The following RABEPK variants were observed in gnomAD, a reference collection of about 807,000 sequenced individuals.
RABEPK encodes the protein 40 kDa Rab9 effector protein.
In RABEPK, 27 loss-of-function variants were observed where a neutral mutation model predicts 34.1. That is an observed-to-expected ratio of 0.79 (90% CI 0.58 to 1.09). RABEPK has a LOEUF of 1.09. Ranked by LOEUF, RABEPK falls within the 50% of genes least tolerant of loss-of-function variation. RABEPK has a pLI of 0.00. For synonymous variants in RABEPK, 172 were observed against 169.2 expected (o/e 1.02, Z -0.13); for missense variants, 449 against 462.6 (o/e 0.97, Z 0.27).
intron 3 of RABEPK, among the ~76,000 whole-genome samples, chr9:125,207,922 C>G (rs1445045695): frequency 6.6e-6 from 1 of 152,108 alleles, no homozygotes; most frequent in Non-Finnish European, 1.5e-5. Context: ...GGTTAGAGTT[C>G]GAGACCAGCC....
intron 2 of RABEPK, among the ~76,000 whole-genome samples, chr9:125,204,804 C>T (rs1287712251): frequency 1.3e-5 from 2 of 152,052 alleles, no homozygotes; most frequent in Non-Finnish European, 2.9e-5. Flanking sequence ...CACTTTTTGT[C>T]CCTCTCTTTT....
At chr9:125,215,267 TATA>T (rs1207042734) in intron 4 of RABEPK, among the ~76,000 whole-genome samples, 2 of 147,614 alleles carry the variant, frequency 1.4e-5, no homozygotes, top group East Asian at 3.9e-4. Flanking sequence ...GCTTTGTTAA[TATA>T]ATATCATTTG....
At chr9:125,213,584 C>T (rs941699485) in intron 4 of RABEPK, 62 bp downstream of exon 4, 10 of 1,331,082 alleles carry the variant, frequency 7.5e-6, no homozygotes, top group African/African-American at 1.5e-5. Context: ...CACACACACA[C>T]ACATATATAT....
chr9:125,230,717 A>T (rs1344725549), intron 6 of RABEPK, among the ~76,000 whole-genome samples: 2 of 151,162 alleles, frequency 1.3e-5, no homozygotes, highest in African/African-American at 4.9e-5. Context: ...TTGTATTTTT[A>T]GTAGAGACAG....
In RABEPK at chr9:125,207,631, C is replaced by T. The variant is rs1225441155; in HGVS notation, c.121C>T (p.Pro41Ser). The T allele has an allele frequency of 6.2e-7, 1 of 1,614,096 alleles. No individual in the cohort carries two copies. The highest frequency in any genetic ancestry group is 1.7e-5 in the Admixed American group (1 of 60,014). Reference protein sequence around the residue: ...RVGHSCSYLPPVGNAKRGKVF... With the variant: ...RVGHSCSYLPSVGNAKRGKVF... ...TGGCCACAGCTGTTCATATTTACCC[C>T]CAGTTGGTAATGCCAAGAGAGGGAA... Residue 41 changes from proline to serine, a missense_variant, in exon 3 of 8, where the codon CCA becomes TCA. By Grantham distance (74) the Pro-to-Ser change is moderately conservative. Coordinates refer to ENST00000373538, the MANE Select transcript of RABEPK (RefSeq NM_005833.4).
At position 125,207,614 on chromosome 9, in the gene RABEPK, G is replaced by C. The variant is rs777057296; in HGVS notation, c.104G>C (p.Ser35Thr). ...GDSPCARVGH[S>T]CSYLPPVGNA... ...AGCCCCTGTGCTCGAGTTGGCCACAGCTGTTCATATTTACCCCCAGTTGGT... is the reference window on the plus strand; with the variant it reads ...AGCCCCTGTGCTCGAGTTGGCCACACCTGTTCATATTTACCCCCAGTTGGT... Residue 35 changes from serine (S) to threonine (T), a missense_variant, in exon 3 of 8, where the codon AGC (serine) becomes ACC (threonine). By Grantham distance (58) the Ser-to-Thr change is moderately conservative. Transcript: ENST00000373538. 6.2e-7 allele frequency: 1 copy of C among 1,614,158 alleles called. No homozygotes were observed. Among genetic ancestry groups the C allele is most frequent in the Non-Finnish European group, 8.5e-7 (1 of 1,179,998 alleles).
chr9:125,219,316 C>G (rs1475368195), intron 4 of RABEPK, among the ~76,000 whole-genome samples: 1 of 149,212 alleles, frequency 6.7e-6, no homozygotes, highest in Non-Finnish European at 1.5e-5. Context: ...CCTGCCTTGG[C>G]TTCCCAAAGT....
chr9:125,210,154 A>G (rs1487113451), intron 3 of RABEPK, among the ~76,000 whole-genome samples: 1 of 152,242 alleles, frequency 6.6e-6, no homozygotes, highest in African/African-American at 2.4e-5. Context: ...CTCTAATCCC[A>G]GCACTTTGGG....
intron 3 of RABEPK, 72 bp from the exon 4 acceptor site, chr9:125,213,298 C>G (rs1588354629): frequency 6.8e-7 from 1 of 1,472,760 alleles, no homozygotes; most frequent in East Asian, 2.3e-5. Flanking sequence ...CTTCTCATGA[C>G]CCTCCTCAAG....
rs1045377 is a variant in RABEPK, at chr9:125,213,461, C to G, written c.303C>G (p.Ile101Met). 1 of 1,613,998 alleles carries G rather than the reference C, an allele frequency of 6.2e-7. No homozygotes were observed. Among genetic ancestry groups the G allele is most frequent in the South Asian group, 1.1e-5 (1 of 91,084 alleles). The change falls in exon 4 of 8, where the codon ATC becomes ATG. Residue 101 changes from isoleucine to methionine, a missense_variant. Physicochemically the swap from Ile to Met is conservative, Grantham distance 10. Transcript: ENST00000373538. Reference sequence around the variant, plus strand: ...TTCCCTCCTGCACACCTGACCGTATCTGGGTATTTGGAGGTGCCAACCAAT... The same window carrying G: ...TTCCCTCCTGCACACCTGACCGTATGTGGGTATTTGGAGGTGCCAACCAAT... ...SFIPSCTPDR[I>M]WVFGGANQSG...
chr9:125,221,380 C>T (rs1256341763), intron 5 of RABEPK: 2 of 151,554 alleles, frequency 1.3e-5, no homozygotes, highest in South Asian at 2.1e-4. Context: ...GCCTGTAATC[C>T]CAGCTACTCG....
At chr9:125,215,366 G>A (rs900167656) in intron 4 of RABEPK, among the ~76,000 whole-genome samples, 9 of 151,378 alleles carry the variant, frequency 5.9e-5, no homozygotes, top group Admixed American at 5.3e-4. Context: ...CTGGGATGCA[G>A]TGGTATGATC....
intron 2 of RABEPK, among the ~76,000 whole-genome samples, chr9:125,206,084 C>T (rs1464322722): frequency 6.6e-6 from 1 of 151,966 alleles, no homozygotes; most frequent in South Asian, 2.1e-4. Flanking sequence ...GCACAAGAAG[C>T]GAGGAGAGGT....
chr9:125,208,191 C>A (rs1486398852), intron 3 of RABEPK, among the ~76,000 whole-genome samples: 1 of 152,060 alleles, frequency 6.6e-6, no homozygotes, highest in Non-Finnish European at 1.5e-5. Context: ...TTAGTAGGCC[C>A]CTGGCACACA....
chr9:125,230,757 A>C (rs1014529285), intron 6 of RABEPK, among the ~76,000 whole-genome samples: 2 of 151,154 alleles, frequency 1.3e-5, no homozygotes, highest in East Asian at 4.0e-4. Context: ...GGATGGTCTC[A>C]ATCTCCTGAC....
At chr9:125,207,742 G>A in intron 3 of RABEPK, 21 bp downstream of exon 3, 3 of 1,613,666 alleles carry the variant, frequency 1.9e-6, no homozygotes, top group Non-Finnish European at 1.7e-6. Flanking sequence ...CAGCTGCAGA[G>A]TACATGCCCT....
intron 3 of RABEPK, among the ~76,000 whole-genome samples, chr9:125,210,443 G>T (rs889429069): frequency 6.8e-6 from 1 of 147,850 alleles, no homozygotes; most frequent in Non-Finnish European, 1.5e-5. Flanking sequence ...TTATTAGCTG[G>T]GCGTGGTGAC....
intron 3 of RABEPK, among the ~76,000 whole-genome samples, chr9:125,208,634 C>T (rs940818944): frequency 6.6e-6 from 1 of 151,940 alleles, no homozygotes; most frequent in Non-Finnish European, 1.5e-5. Context: ...CTTCCAGGTT[C>T]AAGCGATTCT....
chr9:125,206,828 G>A (rs949239672), intron 2 of RABEPK, among the ~76,000 whole-genome samples: 7 of 152,128 alleles, frequency 4.6e-5, no homozygotes, highest in African/African-American at 9.7e-5. Context: ...GGTGGCTCAC[G>A]CCTGTAATCC....
Sources: gnomAD v4.1 joint callset for allele counts (sites outside exome capture counted in the v4.1 genomes callset) on GRCh38, gnomAD v4.1.1 for gene constraint, MANE v1.5 for transcripts, NCBI Gene and HGNC (gene_info 2026-07-23, HGNC 2026-07-21) for gene names.